Variants in NKAIN3 observed in about 807,000 individuals in gnomAD.
NKAIN3 encodes sodium/potassium transporting ATPase interacting 3, also known as sodium/potassium-transporting ATPase subunit beta-1-interacting protein 3.
Under a neutral mutation model 30.2 loss-of-function variants are expected in NKAIN3, and 25 were observed. The observed-to-expected ratio is 0.83, with a 90% confidence interval of 0.60 to 1.16. NKAIN3 has a LOEUF of 1.16. Among genes scored for constraint, NKAIN3 ranks in the 50% most tolerant of loss-of-function variants. NKAIN3 has a pLI of 0.00. For synonymous variants in NKAIN3, 91 were observed against 89.6 expected (o/e 1.02, Z -0.09); for missense variants, 225 against 254.1 (o/e 0.89, Z 0.78).
chr8:62,380,898 A>G (rs897484289), intron 1 of NKAIN3, among the ~76,000 whole-genome samples: 7 of 152,172 alleles, frequency 4.6e-5, no homozygotes, highest in Non-Finnish European at 8.8e-5. Flanking sequence ...GCCATTCTGA[A>G]GAACTATTAT....
intron 6 of NKAIN3, among the ~76,000 whole-genome samples, chr8:62,956,883 G>A (rs1027422748): frequency 2.0e-5 from 3 of 152,338 alleles, no homozygotes; most frequent in Admixed American, 1.3e-4. Context: ...AATTTTATGC[G>A]GGAGGGGGAA....
chr8:62,892,072 A>G (rs1314231895), intron 4 of NKAIN3, among the ~76,000 whole-genome samples: 1 of 152,220 alleles, frequency 6.6e-6, no homozygotes, highest in Non-Finnish European at 1.5e-5. Flanking sequence ...AGGAGATACA[A>G]TAGATTCCTA....
At chr8:62,689,536 TA>T (rs1813897371) in intron 3 of NKAIN3, among the ~76,000 whole-genome samples, 1 of 152,218 alleles carries the variant, frequency 6.6e-6, no homozygotes, top group Non-Finnish European at 1.5e-5. Context: ...AATATACATT[TA>T]ACAACCAAAG....
At chr8:62,892,303 T>C (rs1429550160) in intron 4 of NKAIN3, among the ~76,000 whole-genome samples, 5 of 152,210 alleles carry the variant, frequency 3.3e-5, no homozygotes, top group Non-Finnish European at 5.9e-5. Context: ...TAGGTTAACA[T>C]TTCAAATGAC....
intron 5 of NKAIN3, among the ~76,000 whole-genome samples, chr8:62,997,330 G>A (rs1804140669): frequency 6.6e-6 from 1 of 151,400 alleles, no homozygotes; most frequent in Non-Finnish European, 1.5e-5. Context: ...ATTAACTTCT[G>A]AAAAAACAAA....
At chr8:62,407,336 G>A (rs961866402) in intron 1 of NKAIN3, among the ~76,000 whole-genome samples, 2 of 148,834 alleles carry the variant, frequency 1.3e-5, no homozygotes, top group East Asian at 3.9e-4. Flanking sequence ...TAGGATCATG[G>A]TATATAGAGA....
chr8:62,421,780 T>A (rs1256671642), intron 1 of NKAIN3, among the ~76,000 whole-genome samples: 1 of 152,152 alleles, frequency 6.6e-6, no homozygotes, highest in African/African-American at 2.4e-5. Flanking sequence ...TATTTTTGTA[T>A]ATCATGAGGT....
At chr8:62,371,317 T>C (rs1445921783) in intron 1 of NKAIN3, among the ~76,000 whole-genome samples, 1 of 151,964 alleles carries the variant, frequency 6.6e-6, no homozygotes, top group Non-Finnish European at 1.5e-5. Context: ...TGTTTAGGTG[T>C]TTTTGGAATA....
intron 5 of NKAIN3, among the ~76,000 whole-genome samples, chr8:62,995,585 A>G (rs1291376115): frequency 6.6e-6 from 1 of 152,212 alleles, no homozygotes; most frequent in Non-Finnish European, 1.5e-5. Flanking sequence ...TCATAGAGAT[A>G]TGTGGTAGAA....
intron 4 of NKAIN3, among the ~76,000 whole-genome samples, chr8:62,908,128 T>G (rs548281604): frequency 6.6e-6 from 1 of 152,300 alleles, no homozygotes; most frequent in African/African-American, 2.4e-5. Flanking sequence ...ATGTGAGACA[T>G]GGAGTCAAAG....
intron 1 of NKAIN3, among the ~76,000 whole-genome samples, chr8:62,467,122 G>A (rs1806187573): frequency 6.6e-6 from 1 of 152,046 alleles, no homozygotes; most frequent in East Asian, 1.9e-4. Flanking sequence ...TTTCTCAGAG[G>A]TACTTGACTA....
In NKAIN3 at chr8:62,973,713, G is replaced by T. The variant is rs541635888; in HGVS notation, c.*8306G>T. On this transcript the variant is annotated 3_prime_UTR_variant, in exon 7 of 7. Transcript: ENST00000623646. ...TTTGGCTTTTGTTGACATTGCTTTTGGTGTTTCAGTCATGAAGTCTTTGCC... is the reference window on the plus strand; with the variant it reads ...TTTGGCTTTTGTTGACATTGCTTTTTGTGTTTCAGTCATGAAGTCTTTGCC... Among the ~76,000 whole-genome samples, 1 of 152,128 alleles carries T rather than the reference G, an allele frequency of 6.6e-6. No individual in the cohort carries two copies. The highest frequency in any genetic ancestry group is 2.1e-4 in the South Asian group (1 of 4,818).
intron 4 of NKAIN3, among the ~76,000 whole-genome samples, chr8:62,914,776 T>C (rs1424532830): frequency 7.0e-6 from 1 of 142,546 alleles, no homozygotes; most frequent in South Asian, 2.2e-4. Flanking sequence ...GTTACTGTAA[T>C]CTTTTTTTTT....
At chr8:62,350,200 A>G (rs1816137469) in intron 1 of NKAIN3, among the ~76,000 whole-genome samples, 1 of 152,260 alleles carries the variant, frequency 6.6e-6, no homozygotes. Context: ...AATAGCCAAA[A>G]GGTGGAAATC....
intron 1 of NKAIN3, among the ~76,000 whole-genome samples, chr8:62,481,897 C>T (rs556471203): frequency 1.3e-5 from 2 of 152,246 alleles, no homozygotes; most frequent in South Asian, 2.1e-4. Context: ...GTGTGTTTAC[C>T]GAATGAATCT....
intron 1 of NKAIN3, among the ~76,000 whole-genome samples, chr8:62,258,964 CT>C (rs1476863698): frequency 6.6e-6 from 1 of 152,156 alleles, no homozygotes; most frequent in East Asian, 1.9e-4. Context: ...AGTTTGTGCA[CT>C]CTGTACACTG....
intron 4 of NKAIN3, among the ~76,000 whole-genome samples, chr8:62,881,774 A>G (rs1820991668): frequency 6.6e-6 from 1 of 152,228 alleles, no homozygotes; most frequent in Non-Finnish European, 1.5e-5. Flanking sequence ...GCTGGATCAT[A>G]TGGTAAGAAT....
chr8:62,695,540 G>A (rs886214738), intron 3 of NKAIN3, among the ~76,000 whole-genome samples: 2 of 152,188 alleles, frequency 1.3e-5, no homozygotes, highest in Non-Finnish European at 2.9e-5. Flanking sequence ...TCTGCAATAC[G>A]CAGCAAGAGT....
intron 3 of NKAIN3, among the ~76,000 whole-genome samples, chr8:62,676,708 A>G (rs1813488427): frequency 6.7e-6 from 1 of 150,008 alleles, no homozygotes; most frequent in African/African-American, 2.5e-5. Flanking sequence ...GTATATTAAT[A>G]ACAGTCTTTT....
Sources: allele counts gnomAD v4.1 joint callset (sites outside exome capture counted in the v4.1 genomes callset), GRCh38; gene constraint gnomAD v4.1.1; transcripts MANE v1.5; gene names NCBI Gene and HGNC (gene_info 2026-07-23, HGNC 2026-07-21).